Variants in MAML2 observed in about 807,000 individuals in gnomAD.
MAML2 encodes mastermind like transcriptional coactivator 2.
MAML2 carries 22 observed loss-of-function variants against 96.1 expected under a neutral mutation model. The ratio of observed to expected loss-of-function variants is 0.23; its 90% CI spans 0.16 to 0.33. MAML2 has a LOEUF of 0.33. Among genes scored for constraint, MAML2 ranks in the 10% least tolerant of loss-of-function variants. The pLI is 1.00. For missense variants in MAML2, 1,367 were observed against 1,392.4 expected (o/e 0.98, Z 0.29); for synonymous variants, 561 against 521.3 (o/e 1.08, Z -1.04).
intron 1 of MAML2, among the ~76,000 whole-genome samples, chr11:96,164,329 T>C (rs1268252041): frequency 1.3e-5 from 2 of 152,104 alleles, no homozygotes; most frequent in Admixed American, 6.6e-5. Flanking sequence ...TGTCAACTCT[T>C]TCAGTTTAAA....
chr11:96,006,543 T>C (rs960522994), intron 2 of MAML2, among the ~76,000 whole-genome samples: 2 of 150,264 alleles, frequency 1.3e-5, no homozygotes, highest in South Asian at 2.1e-4. Context: ...GGAAATAAGA[T>C]TGGAGTATCT....
intron 2 of MAML2, among the ~76,000 whole-genome samples, chr11:96,058,075 G>C (rs367706836): frequency 3.9e-5 from 6 of 152,170 alleles, no homozygotes; most frequent in Admixed American, 3.9e-4. Flanking sequence ...CTCAAGTAAG[G>C]GTGTGAAGTA....
At chr11:95,980,497 A>G (rs141895206) in intron 4 of MAML2, among the ~76,000 whole-genome samples, 7 of 152,324 alleles carry the variant, frequency 4.6e-5, no homozygotes, top group African/African-American at 1.7e-4. Context: ...CAGTGTTCAA[A>G]GGGTAAATCT....
At chr11:96,177,375 G>A (rs1276825433) in intron 1 of MAML2, among the ~76,000 whole-genome samples, 3 of 152,210 alleles carry the variant, frequency 2.0e-5, no homozygotes, top group Admixed American at 1.3e-4. Context: ...GCATGTCACC[G>A]GGAAAGAAGC....
chr11:96,129,433 G>C (rs1366730936), intron 1 of MAML2, among the ~76,000 whole-genome samples: 1 of 152,034 alleles, frequency 6.6e-6, no homozygotes, highest in Non-Finnish European at 1.5e-5. Context: ...GCTCATCCAG[G>C]AACCACAATT....
At position 96,341,390 on chromosome 11, in the gene MAML2, A is replaced by G; in HGVS notation, c.506T>C (p.Leu169Pro). 6.6e-7 allele frequency: 1 copy of G among 1,521,216 alleles called. No homozygotes were observed. Among genetic ancestry groups the G allele is most frequent in the South Asian group, 1.3e-5 (1 of 79,072 alleles). 94.2% of individuals were successfully genotyped at this position (1,521,216 alleles called of 1,614,324 possible). ...STPGDQRNSA[L>P]IALQGSLKRK... is the part of the protein sequence containing the mutation. ...AGAAAGCCAGGTGCTTACCGCAATC[A>G]GGGCTGAGTTCCTCTGGTCCCCTGG... The change falls in exon 1 of 5, where the codon CTG becomes CCG. Residue 169 changes from leucine to proline, a missense_variant. By Grantham distance (98) the Leu-to-Pro change is moderately conservative (BLOSUM62 -3). Transcript: ENST00000524717.
At chr11:96,285,015 G>T (rs1386255329) in intron 1 of MAML2, among the ~76,000 whole-genome samples, 5 of 152,086 alleles carry the variant, frequency 3.3e-5, no homozygotes, top group African/African-American at 1.2e-4. Context: ...CATATCTCTT[G>T]CCCCAATAAG....
chr11:96,237,928 G>A (rs1307561532), intron 1 of MAML2, among the ~76,000 whole-genome samples: 1 of 152,214 alleles, frequency 6.6e-6, no homozygotes, highest in East Asian at 1.9e-4. Context: ...CATCAACTGA[G>A]CTGACTTACT....
chr11:96,238,852 G>T (rs753660869), intron 1 of MAML2, among the ~76,000 whole-genome samples: 6 of 152,224 alleles, frequency 3.9e-5, no homozygotes, highest in Non-Finnish European at 5.9e-5. Context: ...AAGCAAGAGA[G>T]AATTTAAAAA....
intron 2 of MAML2, among the ~76,000 whole-genome samples, chr11:96,022,348 C>T (rs1379561506): frequency 1.3e-5 from 2 of 152,144 alleles, no homozygotes; most frequent in Non-Finnish European, 2.9e-5. Flanking sequence ...TCTCATTATG[C>T]CCTGAATCAT....
In MAML2 at chr11:96,056,388, G is replaced by GGAA. The variant is rs753293416; in HGVS notation, c.2139+35503_2139+35504insTTC. Among the ~76,000 whole-genome samples, 7 of 97,640 alleles carry GGAA rather than the reference G, an allele frequency of 7.2e-5. No individual in the cohort carries two copies. In the East Asian group the frequency reaches 1.7e-3, roughly 23 times the overall value. The allele number at this position is 97,640 out of a possible 152,430, so 64.1% of individuals were successfully genotyped here. A position where few individuals can be genotyped will look rare whatever the true frequency, so the allele number is the denominator to read the frequency against. On this transcript the variant is annotated intron_variant, in intron 2 of 4. Transcript: ENST00000524717. ...TTTAGTTTTATGGCTATTTTCTGAG[G>GGAA]AAAAAAAAAAAAAAAAAAGCCCAGG...
intron 1 of MAML2, among the ~76,000 whole-genome samples, chr11:96,106,318 T>G (rs1488423182): frequency 6.6e-6 from 1 of 152,198 alleles, no homozygotes; most frequent in Non-Finnish European, 1.5e-5. Context: ...TCAATGGTAA[T>G]TCTCTTTGTC....
At chr11:96,176,638 G>A (rs1005010213) in intron 1 of MAML2, among the ~76,000 whole-genome samples, 7 of 152,182 alleles carry the variant, frequency 4.6e-5, no homozygotes, top group South Asian at 4.1e-4. Context: ...CCACCTTTTC[G>A]AAGCCTAGTC....
In MAML2 at chr11:96,311,919, C is replaced by A. The variant is rs573849786; in HGVS notation, c.513+29464G>T. Reference sequence around the variant, plus strand: ...GCATGTAACAATAATAAAGCTATAGCCACTGATAAAGATCTATGTAGCTAG... The same window carrying A: ...GCATGTAACAATAATAAAGCTATAGACACTGATAAAGATCTATGTAGCTAG... On this transcript the variant is annotated intron_variant, in intron 1 of 4. Transcript: ENST00000524717. Among the ~76,000 whole-genome samples, 25 of 152,164 alleles carry A rather than the reference C, an allele frequency of 1.6e-4. No individual in the cohort carries two copies. The South Asian group carries it at 5.2e-3, about 32-fold the overall frequency.
chr11:96,328,330 G>T (rs963650715), intron 1 of MAML2, among the ~76,000 whole-genome samples: 3 of 151,946 alleles, frequency 2.0e-5, no homozygotes, highest in South Asian at 2.1e-4. Flanking sequence ...AAATTCTAAG[G>T]TGCTTAGAGG....
chr11:96,167,282 T>C (rs997016304), intron 1 of MAML2, among the ~76,000 whole-genome samples: 2 of 152,112 alleles, frequency 1.3e-5, no homozygotes, highest in African/African-American at 4.8e-5. Context: ...TCTATTCCTG[T>C]TGGCCTGTGC....
At chr11:96,010,164 G>A (rs1858245013) in intron 2 of MAML2, among the ~76,000 whole-genome samples, 1 of 152,118 alleles carries the variant, frequency 6.6e-6, no homozygotes, top group Non-Finnish European at 1.5e-5. Context: ...GATAGATACT[G>A]TGTTCAGAGA....
At chr11:95,998,694 G>A (rs1858035944) in intron 2 of MAML2, among the ~76,000 whole-genome samples, 1 of 152,068 alleles carries the variant, frequency 6.6e-6, no homozygotes, top group Non-Finnish European at 1.5e-5. Context: ...TTCCTAGAAT[G>A]GTCTCAAGGA....
At chr11:96,166,177 T>TCTCTCTCACACA (rs530578845) in intron 1 of MAML2, among the ~76,000 whole-genome samples, 8,390 of 109,940 alleles carry the variant, frequency 0.076, 352 homozygotes, top group Middle Eastern at 0.11. Flanking sequence ...TCTCTCTCTC[T>TCTCTCTCACACA]CACACACACA....
Sources: gnomAD v4.1 joint callset for allele counts (sites outside exome capture counted in the v4.1 genomes callset) on GRCh38, gnomAD v4.1.1 for gene constraint, MANE v1.5 for transcripts, NCBI Gene and HGNC (gene_info 2026-07-23, HGNC 2026-07-21) for gene names.